PTPRM: variants seen among roughly 807,000 people sequenced by gnomAD.
PTPRM encodes receptor-type tyrosine-protein phosphatase mu.
A neutral mutation model predicts 186.7 loss-of-function variants in PTPRM; 47 were observed. The observed-to-expected ratio is 0.25, with a 90% CI of 0.20 to 0.32. The LOEUF is 0.32. Ranked by LOEUF, PTPRM falls within the 10% of genes least tolerant of loss-of-function variation. The probability of loss-of-function intolerance (pLI) is 1.00; values close to 1 mark genes in which losing one functional copy is unlikely to be tolerated. For missense variants in PTPRM, 1,494 were observed against 1,865.0 expected (o/e 0.80, Z 3.66); for synonymous variants, 668 against 674.9 (o/e 0.99, Z 0.16).
chr18:7,737,005 T>C (rs1212761057), intron 1 of PTPRM, among the ~76,000 whole-genome samples: 1 of 152,244 alleles, frequency 6.6e-6, no homozygotes, highest in Non-Finnish European at 1.5e-5. Context: ...GGGTTTTACA[T>C]GTTTGCCAGG....
At chr18:8,348,150 T>G (rs2095515382) in intron 23 of PTPRM, among the ~76,000 whole-genome samples, 1 of 152,286 alleles carries the variant, frequency 6.6e-6, no homozygotes, top group Admixed American at 6.5e-5. Flanking sequence ...ACTTAACATG[T>G]GTACCGCACA....
intron 1 of PTPRM, among the ~76,000 whole-genome samples, chr18:7,691,764 AAAAAACAAC>A (rs754466501): frequency 1.1e-3 from 168 of 152,288 alleles, no homozygotes; most frequent in Non-Finnish European, 1.2e-3. Flanking sequence ...CAGAAAAAAC[AAAAAACAAC>A]AAAAACAAAA....
chr18:7,629,186 A>G (rs2038131770), intron 1 of PTPRM, among the ~76,000 whole-genome samples: 1 of 152,244 alleles, frequency 6.6e-6, no homozygotes, highest in Non-Finnish European at 1.5e-5. Context: ...AACTAAGATC[A>G]ATGGGTACAG....
intron 24 of PTPRM, among the ~76,000 whole-genome samples, chr18:8,373,881 T>C (rs2095679144): frequency 6.7e-6 from 1 of 148,706 alleles, no homozygotes; most frequent in Non-Finnish European, 1.5e-5. Flanking sequence ...TGAGACCCTG[T>C]CTCGGAAAAA....
chr18:8,318,349 T>A lies in PTPRM; in HGVS notation c.2920-829T>A, dbSNP rs569484362. Among the ~76,000 whole-genome samples the A allele has an allele frequency of 2.2e-3, 281 of 128,494 alleles. 1 individual carries two copies. Among genetic ancestry groups the A allele is most frequent in the African/African-American group, 7.5e-3 (261 of 34,626 alleles). The allele number at this position is 128,494 out of a possible 152,430, so 84.3% of individuals were successfully genotyped here. On this transcript the variant is annotated intron_variant, in intron 21 of 32. Coordinates refer to ENST00000580170, the MANE Select transcript of PTPRM (RefSeq NM_001105244.2). ...TCTCACTTTGTCACCCAGGCTGAAG[T>A]ACAGTGGTGCAATCTTGGCTCACTG...
intron 2 of PTPRM, among the ~76,000 whole-genome samples, chr18:7,808,705 A>G (rs1189752477): frequency 2.0e-5 from 3 of 152,224 alleles, no homozygotes; most frequent in South Asian, 2.1e-4. Flanking sequence ...GATCTCAGCT[A>G]ATCTTGAGGA....
intron 1 of PTPRM, chr18:7,749,046 C>G (rs1450205105): frequency 6.6e-6 from 1 of 152,192 alleles, no homozygotes; most frequent in Non-Finnish European, 1.5e-5. Context: ...ATTTGAGGAG[C>G]AGTTTCACTT....
intron 14 of PTPRM, among the ~76,000 whole-genome samples, chr18:8,148,740 T>C (rs1239440989): frequency 6.6e-6 from 1 of 152,112 alleles, no homozygotes; most frequent in African/African-American, 2.4e-5. Flanking sequence ...TCATTTTGAT[T>C]TTAGGGTATC....
chr18:7,628,007 G>T (rs895246071), intron 1 of PTPRM, among the ~76,000 whole-genome samples: 2 of 152,136 alleles, frequency 1.3e-5, no homozygotes, highest in Admixed American at 1.3e-4. Context: ...ATAATTTGAA[G>T]AATTTTTAGA....
intron 5 of PTPRM, among the ~76,000 whole-genome samples, chr18:7,943,476 A>G (rs1421841369): frequency 2.0e-5 from 3 of 152,138 alleles, no homozygotes; most frequent in Non-Finnish European, 4.4e-5. Flanking sequence ...CGACCCCTGG[A>G]CACCTTCAAA....
intron 4 of PTPRM, among the ~76,000 whole-genome samples, chr18:7,918,632 A>G (rs2050695434): frequency 6.6e-6 from 1 of 152,178 alleles, no homozygotes; most frequent in South Asian, 2.1e-4. Context: ...TTGAATGTCC[A>G]GTTTTAAATT....
intron 19 of PTPRM, among the ~76,000 whole-genome samples, chr18:8,261,819 C>T (rs1337663626): frequency 6.6e-6 from 1 of 152,152 alleles, no homozygotes; most frequent in African/African-American, 2.4e-5. Context: ...TTCTAGGCAA[C>T]TGTCTGGTTT....
chr18:8,108,984 A>C (rs1475066510), intron 11 of PTPRM, among the ~76,000 whole-genome samples: 1 of 152,212 alleles, frequency 6.6e-6, no homozygotes, highest in African/African-American at 2.4e-5. Context: ...TAAGCTAGAA[A>C]TTTCTGATCA....
intron 2 of PTPRM, among the ~76,000 whole-genome samples, chr18:7,859,346 T>G (rs996587359): frequency 6.6e-6 from 1 of 152,246 alleles, no homozygotes; most frequent in Non-Finnish European, 1.5e-5. Flanking sequence ...TGATGCCCAC[T>G]GCATTCTTTA....
chr18:7,600,668 C>T (rs1483005794), intron 1 of PTPRM, among the ~76,000 whole-genome samples: 1 of 152,232 alleles, frequency 6.6e-6, no homozygotes, highest in African/African-American at 2.4e-5. Flanking sequence ...CTCTCCACTC[C>T]AGGCCCTGCC....
chr18:8,225,311 A>G (rs1047992535), intron 14 of PTPRM, among the ~76,000 whole-genome samples: 1 of 152,182 alleles, frequency 6.6e-6, no homozygotes, highest in Non-Finnish European at 1.5e-5. Context: ...ATATGTTTGA[A>G]TATTTTAGAG....
chr18:7,782,124 A>G (rs1040784402), intron 2 of PTPRM, among the ~76,000 whole-genome samples: 1 of 152,200 alleles, frequency 6.6e-6, no homozygotes, highest in Non-Finnish European at 1.5e-5. Context: ...TGATTATGAA[A>G]AAACAAACCA....
chr18:8,335,807 A>G (rs1309532142), intron 22 of PTPRM, among the ~76,000 whole-genome samples: 1 of 152,088 alleles, frequency 6.6e-6, no homozygotes. Flanking sequence ...AGATCATTTC[A>G]GGTCAGGAGC....
chr18:7,605,430 C>G (rs1319523205), intron 1 of PTPRM, among the ~76,000 whole-genome samples: 3 of 150,426 alleles, frequency 2.0e-5, no homozygotes, highest in African/African-American at 7.4e-5. Flanking sequence ...CCCCCCCCCA[C>G]TTCCGTTCTA....
Sources: gnomAD v4.1 joint callset for allele counts (sites outside exome capture counted in the v4.1 genomes callset) on GRCh38, gnomAD v4.1.1 for gene constraint, MANE v1.5 for transcripts, NCBI Gene and HGNC (gene_info 2026-07-23, HGNC 2026-07-21) for gene names.